Variants in STAG1 observed in about 807,000 individuals in gnomAD.
STAG1 encodes the protein cohesin subunit SA-1.
In STAG1, 26 loss-of-function variants were observed where a neutral mutation model predicts 170.9. The ratio of observed to expected loss-of-function variants is 0.15; its 90% CI spans 0.11 to 0.21. The LOEUF is 0.21. STAG1 is among the 10% of genes least tolerant of loss of function. The probability of loss-of-function intolerance (pLI) is 1.00; values close to 1 mark genes in which losing one functional copy is unlikely to be tolerated. For synonymous variants in STAG1, 514 were observed against 497.7 expected (o/e 1.03, Z -0.44); for missense variants, 964 against 1,509.5 (o/e 0.64, Z 5.99).
At chr3:136,735,122 CCTTTT>C (rs1934261530) in intron 1 of STAG1, among the ~76,000 whole-genome samples, 1 of 152,004 alleles carries the variant, frequency 6.6e-6, no homozygotes, top group Non-Finnish European at 1.5e-5. Flanking sequence ...CTCCTTACTC[CCTTTT>C]TTTTTTGGAG....
chr3:136,680,327 T>C (rs1481485091), intron 1 of STAG1, among the ~76,000 whole-genome samples: 1 of 152,172 alleles, frequency 6.6e-6, no homozygotes, highest in Non-Finnish European at 1.5e-5. Flanking sequence ...CAAGCTGTTA[T>C]TAGTGAAAAA....
intron 28 of STAG1, among the ~76,000 whole-genome samples, chr3:136,356,349 A>G (rs561091792): frequency 1.6e-4 from 25 of 152,314 alleles, no homozygotes; most frequent in South Asian, 2.1e-4. Context: ...CTGTCTCTCC[A>G]AAATTCTATT....
chr3:136,380,627 A>G (rs1344059689), intron 22 of STAG1, among the ~76,000 whole-genome samples: 2 of 152,164 alleles, frequency 1.3e-5, no homozygotes, highest in Non-Finnish European at 2.9e-5. Context: ...AACTGATAGA[A>G]TTTAGGGAGC....
At chr3:136,666,747 G>A (rs1212358085) in intron 1 of STAG1, among the ~76,000 whole-genome samples, 1 of 151,768 alleles carries the variant, frequency 6.6e-6, no homozygotes, top group Admixed American at 6.6e-5. Flanking sequence ...TAGAACCCTG[G>A]AGGTGGAGGT....
At position 136,476,801 on chromosome 3, in the gene STAG1, C is replaced by T. The variant is rs1312694279; in HGVS notation, c.1026+488G>A. Among the ~76,000 whole-genome samples the T allele has an allele frequency of 3.9e-5, 6 of 151,996 alleles. No homozygotes were observed. In the East Asian group the frequency reaches 9.7e-4, roughly 25 times the overall value. On this transcript the variant is annotated intron_variant, in intron 10 of 33. Transcript: ENST00000383202. ...CTACCCATGGTTATTCTAAGGATTA[C>T]TTATTCAGGATTACTTATATGAGGG...
At chr3:136,342,270 C>T (rs922389986) in intron 30 of STAG1, among the ~76,000 whole-genome samples, 3 of 151,974 alleles carry the variant, frequency 2.0e-5, no homozygotes, top group South Asian at 2.1e-4. Context: ...CCACTTGCCT[C>T]GGCCTCCCAA....
intron 22 of STAG1, among the ~76,000 whole-genome samples, chr3:136,384,918 G>T (rs2086829262): frequency 6.6e-6 from 1 of 152,078 alleles, no homozygotes. Flanking sequence ...GTCATTTTAA[G>T]AAACTAGAAT....
chr3:136,734,025 T>G (rs970960813), intron 1 of STAG1, among the ~76,000 whole-genome samples: 1 of 149,244 alleles, frequency 6.7e-6, no homozygotes, highest in Non-Finnish European at 1.5e-5. Context: ...GAGAATGGCG[T>G]GAATCCGGGA....
chr3:136,509,409 GT>G (rs1198481530), intron 7 of STAG1, among the ~76,000 whole-genome samples: 1 of 143,914 alleles, frequency 6.9e-6, no homozygotes, highest in Non-Finnish European at 1.5e-5. Context: ...AAAAAAAAAA[GT>G]AAAGCCCAGC....
At chr3:136,537,701 G>A (rs1191693840) in intron 6 of STAG1, among the ~76,000 whole-genome samples, 1 of 151,812 alleles carries the variant, frequency 6.6e-6, no homozygotes, top group Non-Finnish European at 1.5e-5. Flanking sequence ...TCACCATGTT[G>A]GCCAGGCTGG....
intron 12 of STAG1, among the ~76,000 whole-genome samples, chr3:136,467,189 C>T (rs6439641): frequency 2.7e-4 from 41 of 152,252 alleles, no homozygotes; most frequent in African/African-American, 7.2e-4. Context: ...GGGCTAAATG[C>T]TCCAATTAAA....
chr3:136,725,593 A>C (rs1933618722), intron 1 of STAG1, among the ~76,000 whole-genome samples: 2 of 152,220 alleles, frequency 1.3e-5, no homozygotes, highest in South Asian at 4.1e-4. Flanking sequence ...GAACAGCCAC[A>C]AGTAGATGAA....
rs137954113 is a variant in STAG1 at position 136,740,950 on chromosome 3, G to C, written c.-84+11245C>G. On this transcript the variant is annotated intron_variant, in intron 1 of 33. Transcript: ENST00000383202. ...TGTAAGAAACAAAAGAAAAACTTAA[G>C]CAAATAACAAAAGGGAAACTGAGAA... is the stretch of plus-strand genomic sequence containing the variant. Among the ~76,000 whole-genome samples the C allele has an allele frequency of 7.6e-3, 1,154 of 152,254 alleles. 13 individuals carry two copies. Among genetic ancestry groups the C allele is most frequent in the African/African-American group, 0.026 (1,084 of 41,548 alleles).
chr3:136,685,502 A>AT (rs1491116221), intron 1 of STAG1, among the ~76,000 whole-genome samples: 4 of 152,182 alleles, frequency 2.6e-5, no homozygotes, highest in Non-Finnish European at 4.4e-5. Flanking sequence ...GAGTTGAAAC[A>AT]TATGTCCACA....
intron 6 of STAG1, among the ~76,000 whole-genome samples, chr3:136,531,461 G>A (rs1269536559): frequency 3.3e-5 from 5 of 149,536 alleles, no homozygotes; most frequent in African/African-American, 7.4e-5. Context: ...ACATGCACAC[G>A]TCTGTTTATT....
At chr3:136,488,392 G>A (rs2090058515) in intron 9 of STAG1, among the ~76,000 whole-genome samples, 1 of 152,224 alleles carries the variant, frequency 6.6e-6, no homozygotes, top group African/African-American at 2.4e-5. Flanking sequence ...CAAAGGGCTG[G>A]GGTTACAGGC....
At chr3:136,709,214 C>A (rs1053762929) in intron 1 of STAG1, among the ~76,000 whole-genome samples, 8 of 151,672 alleles carry the variant, frequency 5.3e-5, no homozygotes, top group African/African-American at 9.7e-5. Flanking sequence ...CACATGAACC[C>A]GAGAGGTGGA....
intron 22 of STAG1, among the ~76,000 whole-genome samples, chr3:136,395,725 T>C (rs577041789): frequency 4.7e-4 from 71 of 152,320 alleles, no homozygotes; most frequent in African/African-American, 1.7e-3. Context: ...CTAAATTTGC[T>C]AAATGCAATA....
chr3:136,502,873 C>T, intron 7 of STAG1, 94 bp from the exon 8 acceptor site: 1 of 1,012,360 alleles, frequency 9.9e-7, no homozygotes, highest in South Asian at 3.2e-5. Flanking sequence ...AGAAATGAAA[C>T]TAGTGAATTT....
Sources: allele counts gnomAD v4.1 joint callset (sites outside exome capture counted in the v4.1 genomes callset), GRCh38; gene constraint gnomAD v4.1.1; transcripts MANE v1.5; gene names NCBI Gene and HGNC (gene_info 2026-07-23, HGNC 2026-07-21).